CDH15: variants seen among roughly 807,000 people sequenced by gnomAD.
CDH15 encodes cadherin-15.
In CDH15, 73 loss-of-function variants were observed where a neutral mutation model predicts 69.4. The observed-to-expected ratio is 1.05, with a 90% CI of 0.87 to 1.28. The LOEUF is 1.28. CDH15 is among the 50% of genes most tolerant of loss of function. The pLI, the probability that CDH15 is intolerant of heterozygous loss-of-function variation, is 0.00. For missense variants in CDH15, 1,343 were observed against 1,133.6 expected, an observed-to-expected ratio of 1.18 and a Z score of -2.65; for synonymous variants, 624 against 507.7, an observed-to-expected ratio of 1.23 and a Z score of -3.08.
In CDH15 at chr16:89,191,380, C is replaced by T; in HGVS notation, c.1283C>T (p.Thr428Ile). ...GACTGGCTGCAAGTGGACGCAGCCA[C>T]TGGCCGGATCCAGACCCAGCACGTG... ...PEDWLQVDAA[T>I]GRIQTQHVLS... is the part of the protein sequence containing the mutation. The change falls in exon 9 of 14, where the codon ACT (threonine) becomes ATT (isoleucine). Residue 428 changes from threonine to isoleucine, a missense_variant. Transcript: ENST00000289746. 6.2e-7 allele frequency: 1 copy of T among 1,612,820 alleles called. No individual in the cohort carries two copies. Among genetic ancestry groups the T allele is most frequent in the Non-Finnish European group, 8.5e-7 (1 of 1,179,998 alleles).
rs200074934 is a variant in CDH15 at position 89,188,179 on chromosome 16, C to T, written c.872C>T (p.Ser291Phe). ...LEVEDRDLPGSPNWVARFTIL... is the reference protein window; with the variant it reads ...LEVEDRDLPGFPNWVARFTIL... ...GTGGAGGACAGGGACCTGCCAGGCT[C>T]CCCAAACTGGGTGGCCAGGTTCACC... Residue 291 changes from serine to phenylalanine, a missense_variant, in exon 7 of 14, where the codon TCC becomes TTC. Physicochemically the swap from Ser to Phe is radical, Grantham distance 155 (BLOSUM62 -2). Transcript: ENST00000289746. The T allele has an allele frequency of 5.6e-6, 9 of 1,613,304 alleles. No individual in the cohort carries two copies. The Admixed American group carries it at 1.0e-4, about 18-fold the overall frequency.
rs868786549 is a variant in CDH15, at chr16:89,193,664, C to T, written c.1992+58C>T. 4.5e-5 allele frequency: 71 copies of T among 1,567,548 alleles called. No homozygotes were observed. The African/African-American group carries it at 8.7e-4, about 19-fold the overall frequency. ...CCAAGGAACCCAGGTCGCGGGCCTTCTTACAACAAGCTGGCCAGGAGCCTG... is the reference window on the plus strand; with the variant it reads ...CCAAGGAACCCAGGTCGCGGGCCTTTTTACAACAAGCTGGCCAGGAGCCTG... On this transcript the variant is annotated intron_variant, in intron 12 of 13. Transcript: ENST00000289746.
chr16:89,175,603 G>GC (rs1327088632), intron 1 of CDH15, among the ~76,000 whole-genome samples: 2 of 152,218 alleles, frequency 1.3e-5, no homozygotes, highest in East Asian at 3.9e-4. Context: ...CCCAGCCACG[G>GC]CCGGAAACAG....
chr16:89,177,429 A>G (rs1414872241), intron 1 of CDH15, among the ~76,000 whole-genome samples: 3 of 152,166 alleles, frequency 2.0e-5, no homozygotes, highest in Admixed American at 6.5e-5. Context: ...GTGAATATCT[A>G]GAACATTCTG....
intron 1 of CDH15, among the ~76,000 whole-genome samples, chr16:89,176,302 G>A (rs1031035259): frequency 5.9e-5 from 9 of 152,248 alleles, no homozygotes; most frequent in African/African-American, 1.4e-4. Flanking sequence ...GCATTGGCAC[G>A]GGGCTGAGGA....
chr16:89,194,010 G>A (rs1056914124), intron 13 of CDH15, 97 bp downstream of exon 13: 51 of 1,366,688 alleles, frequency 3.7e-5, no homozygotes, highest in Non-Finnish European at 2.9e-5. Context: ...AAGAACCGGC[G>A]CCTGCATGCA....
In CDH15 at chr16:89,179,650, TCTC is replaced by T. The variant is rs1437557857; in HGVS notation, c.201+79_201+81del. ...GTGGGCCTCCCTCATTCTCTAAAGG[TCTC>T]CTGGGAGCCAGCGGGGCCCCATTTC... On this transcript the variant is annotated intron_variant, in intron 2 of 13. Transcript: ENST00000289746. The T allele has an allele frequency of 1.5e-5, 21 of 1,441,538 alleles. No homozygotes were observed. In the African/African-American group the frequency reaches 2.6e-4, roughly 18 times the overall value. The allele number at this position is 1,441,538 out of a possible 1,614,324, so 89.3% of individuals were successfully genotyped here.
intron 8 of CDH15, 28 bp downstream of exon 8, chr16:89,190,524 T>G: frequency 6.4e-7 from 1 of 1,570,426 alleles, no homozygotes; most frequent in Non-Finnish European, 8.6e-7. Flanking sequence ...CTGGGAGAGG[T>G]AGAGGAGGCT....
chr16:89,171,794 C>A lies in CDH15; in HGVS notation c.-38C>A, dbSNP rs943121618. On this transcript the variant is annotated 5_prime_UTR_variant, in exon 1 of 14. Transcript: ENST00000289746. ...TCAGCCTGGACGCGCTTCTTCGGGT[C>A]GCGGGTGCACTCCGGCCCGGCTCCC... 1.2e-5 allele frequency: 18 copies of A among 1,539,094 alleles called. No individual in the cohort carries two copies. Among genetic ancestry groups the A allele is most frequent in the Non-Finnish European group, 1.6e-5 (18 of 1,145,938 alleles).
rs910559686 is a variant in CDH15 at position 89,193,973 on chromosome 16, C to T, written c.2151+60C>T. On this transcript the variant is annotated intron_variant, in intron 13 of 13. Transcript: ENST00000289746. Reference sequence around the variant, plus strand: ...GCACGCACAGGTGCACACACACATGCACATGTACACACCTGCACATGCATG... The same window carrying T: ...GCACGCACAGGTGCACACACACATGTACATGTACACACCTGCACATGCATG... 2.0e-5 allele frequency: 31 copies of T among 1,552,476 alleles called. No individual in the cohort carries two copies. The African/African-American group carries it at 3.4e-4, about 17-fold the overall frequency.
At position 89,195,102 on chromosome 16, in the gene CDH15, G is replaced by A; in HGVS notation, c.2392G>A (p.Glu798Lys). The change falls in exon 14 of 14, where the codon GAG (glutamate) becomes AAG (lysine). Residue 798 changes from glutamate (E) to lysine (K), a missense_variant. Glu to Lys is a moderately conservative substitution (Grantham distance 56). Transcript: ENST00000289746. ...GGCCAGATGGGACCACCAGGCCAGG[G>A]AGGGTCTTTCTCCTGGGGCACTGCT... ...YGARWDHQAR[E>K]GLSPGALLPR... The A allele has an allele frequency of 6.2e-7, 1 of 1,609,556 alleles. No individual in the cohort carries two copies. The highest frequency in any genetic ancestry group is 1.1e-5 in the South Asian group (1 of 90,970).
chr16:89,171,815 C>T lies in CDH15; in HGVS notation c.-17C>T. 1 of 1,550,966 alleles carries T rather than the reference C, an allele frequency of 6.4e-7. No individual in the cohort carries two copies. Among genetic ancestry groups the T allele is most frequent in the Non-Finnish European group, 8.7e-7 (1 of 1,151,184 alleles). ...GGGTCGCGGGTGCACTCCGGCCCGG[C>T]TCCCGCCTCGGCCCCGATGGACGCC... On this transcript the variant is annotated 5_prime_UTR_variant, in exon 1 of 14. Coordinates refer to ENST00000289746, the MANE Select transcript of CDH15 (RefSeq NM_004933.3).
At chr16:89,186,512 C>G (rs1332761790) in intron 5 of CDH15, among the ~76,000 whole-genome samples, 7 of 141,592 alleles carry the variant, frequency 4.9e-5, no homozygotes, top group East Asian at 4.3e-4. Context: ...AAACGCTTAC[C>G]CAGCGCACAG....
chr16:89,176,618 CTT>C (rs2082490692), intron 1 of CDH15, among the ~76,000 whole-genome samples: 1 of 152,128 alleles, frequency 6.6e-6, no homozygotes, highest in Non-Finnish European at 1.5e-5. Context: ...AGGCACAGGA[CTT>C]GGTGCCGGCT....
rs556549056 is a variant in CDH15 at position 89,176,867 on chromosome 16, C to T, written c.43-2549C>T. Among the ~76,000 whole-genome samples the T allele has an allele frequency of 9.3e-5, 14 of 150,002 alleles. No individual in the cohort carries two copies. In the South Asian group the frequency reaches 2.5e-3, roughly 27 times the overall value. On this transcript the variant is annotated intron_variant, in intron 1 of 13. Transcript: ENST00000289746. ...GACTCCCCATCGCCTGCCTGGGACC[C>T]CCAGCACCTCCCACCCGTCCCCCTG...
chr16:89,182,638 T>C (rs1915404925), intron 3 of CDH15: 1 of 151,116 alleles, frequency 6.6e-6, no homozygotes, highest in Non-Finnish European at 1.5e-5. Context: ...CGAGATGCCA[T>C]CTCAAAAGGT....
At chr16:89,191,617 G>T in intron 9 of CDH15, 38 bp from the exon 10 acceptor site, 1 of 1,569,754 alleles carries the variant, frequency 6.4e-7, no homozygotes, top group South Asian at 1.1e-5. Context: ...GCAGGCTGGG[G>T]TGTTGGGGTC....
Position 89,193,772 on chromosome 16 carries a change from C to A in CDH15, c.2010C>A (p.Ser670Arg). Reference sequence around the variant, plus strand: ...GCCCACAGGACGCCTACGACATCAGCCAGCTGCGTCACCCGACAGCGCTGA... The same window carrying A: ...GCCCACAGGACGCCTACGACATCAGACAGCTGCGTCACCCGACAGCGCTGA... ...GEEDQDAYDI[S>R]QLRHPTALSL... Residue 670 changes from serine to arginine, a missense_variant, in exon 13 of 14, where the codon AGC becomes AGA. Physicochemically the swap from Ser to Arg is moderately radical, Grantham distance 110 (BLOSUM62 -1). Coordinates refer to ENST00000289746, the MANE Select transcript of CDH15 (RefSeq NM_004933.3). 3 of 1,604,800 alleles carry A rather than the reference C, an allele frequency of 1.9e-6. No homozygotes were observed. The highest frequency in any genetic ancestry group is 2.5e-6 in the Non-Finnish European group (3 of 1,179,038).
intron 3 of CDH15, among the ~76,000 whole-genome samples, chr16:89,181,391 C>A (rs988961749): frequency 6.6e-6 from 1 of 152,174 alleles, no homozygotes; most frequent in African/African-American, 2.4e-5. Flanking sequence ...GCAGGAGGAT[C>A]GCTTGAAGCC....
Sources: gnomAD v4.1 joint callset for allele counts (sites outside exome capture counted in the v4.1 genomes callset) on GRCh38, gnomAD v4.1.1 for gene constraint, MANE v1.5 for transcripts, NCBI Gene and HGNC (gene_info 2026-07-23, HGNC 2026-07-21) for gene names.